Variants in CNDP1 observed in about 807,000 individuals in gnomAD.
The protein encoded by CNDP1 is carnosine dipeptidase 1, also known as beta-Ala-His dipeptidase.
A neutral mutation model predicts 58.1 loss-of-function variants in CNDP1; 44 were observed. That is an observed-to-expected ratio of 0.76 (90% CI 0.60 to 0.97). The LOEUF is 0.97. Among genes scored for constraint, CNDP1 ranks in the 50% least tolerant of loss-of-function variants. CNDP1 has a pLI of 0.00. For missense variants in CNDP1, 616 were observed against 655.1 expected (o/e 0.94, Z 0.65); for synonymous variants, 254 against 252.6 (o/e 1.01, Z -0.05).
intron 7 of CNDP1, among the ~76,000 whole-genome samples, chr18:74,571,782 C>G (rs1050466302): frequency 6.6e-6 from 1 of 152,182 alleles, no homozygotes; most frequent in Non-Finnish European, 1.5e-5. Flanking sequence ...TTGTTTTTCA[C>G]GACAGACTGG....
intron 5 of CNDP1, among the ~76,000 whole-genome samples, chr18:74,562,832 C>T (rs12954161): frequency 0.4 from 61,436 of 152,164 alleles, 13,685 homozygotes; most frequent in Non-Finnish European, 0.49. Context: ...CACTCTTCTC[C>T]CCTCTCCTGA....
At chr18:74,546,678 A>G (rs181336757) in intron 1 of CNDP1, among the ~76,000 whole-genome samples, 329 of 151,890 alleles carry the variant, frequency 2.2e-3, no homozygotes, top group South Asian at 0.018. Flanking sequence ...CCACGGAAAC[A>G]CCCACCCCGT....
At chr18:74,569,177 C>T (rs768157080) in intron 6 of CNDP1, among the ~76,000 whole-genome samples, 5 of 152,050 alleles carry the variant, frequency 3.3e-5, no homozygotes, top group Admixed American at 3.3e-4. Context: ...CGTCCACACT[C>T]CAGAGTAATT....
intron 1 of CNDP1, among the ~76,000 whole-genome samples, chr18:74,543,239 C>T (rs1479489151): frequency 6.6e-6 from 1 of 152,174 alleles, no homozygotes; most frequent in Non-Finnish European, 1.5e-5. Flanking sequence ...CCTGTAATCC[C>T]ATCACTTTGG....
At chr18:74,552,290 A>G (rs1333517895) in intron 1 of CNDP1, among the ~76,000 whole-genome samples, 2 of 152,286 alleles carry the variant, frequency 1.3e-5, no homozygotes, top group Non-Finnish European at 2.9e-5. Flanking sequence ...GTATTGTGAT[A>G]TAATTCTTAT....
intron 1 of CNDP1, among the ~76,000 whole-genome samples, chr18:74,543,227 T>C (rs1189789079): frequency 1.3e-5 from 2 of 152,214 alleles, no homozygotes; most frequent in African/African-American, 4.8e-5. Flanking sequence ...TGGTGGCTCA[T>C]GCCTGTAATC....
chr18:74,573,633 T>G (rs1383520064), intron 7 of CNDP1, among the ~76,000 whole-genome samples: 1 of 152,228 alleles, frequency 6.6e-6, no homozygotes, highest in African/African-American at 2.4e-5. Flanking sequence ...CTCACAATTT[T>G]GGGGAGTGGA....
chr18:74,551,945 T>A (rs1980922754), intron 1 of CNDP1, among the ~76,000 whole-genome samples: 1 of 151,548 alleles, frequency 6.6e-6, no homozygotes, highest in South Asian at 2.1e-4. Flanking sequence ...GTAGCCACTG[T>A]TGTCTCCAAG....
Position 74,576,915 on chromosome 18 carries a change from T to C in CNDP1, c.888T>C (p.Tyr296=), listed in dbSNP as rs755986301. The C allele has an allele frequency of 4.3e-6, 7 of 1,613,542 alleles. No individual in the cohort carries two copies. The South Asian group carries it at 5.5e-5, about 13-fold the overall frequency. The change falls in exon 8 of 12, where the codon TAT becomes TAC. Residue 296 remains tyrosine, a synonymous_variant. Transcript: ENST00000358821. The stretch of plus-strand genomic sequence containing the variant: ...GTCATATCCTGGTCCCTGGAATCTA[T>C]GATGAAGTGGTTCCTCTTACAGAAG... ...SSGHILVPGI[Y]DEVVPLTEEE... is the part of the protein sequence containing the mutation.
intron 2 of CNDP1, 138 bp from the exon 3 acceptor site, chr18:74,559,185 T>C (rs1414621249): frequency 2.6e-6 from 2 of 771,182 alleles, no homozygotes; most frequent in Non-Finnish European, 4.4e-6. Context: ...CAGTGTTCAC[T>C]GGCACTGTCA....
chr18:74,559,256 C>T, intron 2 of CNDP1, 67 bp from the exon 3 acceptor site: 1 of 1,547,858 alleles, frequency 6.5e-7, no homozygotes, highest in Non-Finnish European at 8.9e-7. Flanking sequence ...TCCTGCCCTC[C>T]CTTCGCTCCC....
intron 5 of CNDP1, among the ~76,000 whole-genome samples, chr18:74,563,594 A>G (rs1400736757): frequency 1.3e-5 from 2 of 152,180 alleles, no homozygotes; most frequent in East Asian, 3.8e-4. Context: ...TTTCTACCTC[A>G]CAAGCTCGCA....
chr18:74,574,054 C>G (rs1417236246), intron 7 of CNDP1, among the ~76,000 whole-genome samples: 1 of 152,228 alleles, frequency 6.6e-6, no homozygotes, highest in African/African-American at 2.4e-5. Flanking sequence ...TGGAGATGCC[C>G]GGACTTCCAG....
chr18:74,535,295 G>A (rs1037017429), intron 1 of CNDP1, among the ~76,000 whole-genome samples: 1 of 151,766 alleles, frequency 6.6e-6, no homozygotes, highest in Non-Finnish European at 1.5e-5. Flanking sequence ...ATTCATGGAC[G>A]CTTTTTATTT....
chr18:74,563,900 C>G (rs531378742), intron 5 of CNDP1, among the ~76,000 whole-genome samples: 1 of 152,196 alleles, frequency 6.6e-6, no homozygotes, highest in Admixed American at 6.5e-5. Flanking sequence ...CCAGAAAATT[C>G]TTAGGATTTC....
rs1981657286 is a variant in CNDP1 at position 74,577,205 on chromosome 18, C to T, written c.1002+176C>T. 3 of 517,634 alleles carry T rather than the reference C, an allele frequency of 5.8e-6. No homozygotes were observed. In the South Asian group the frequency reaches 1.3e-4, roughly 22 times the overall value. 32.1% of individuals were successfully genotyped at this position (517,634 alleles called of 1,614,324 possible). On this transcript the variant is annotated intron_variant, in intron 8 of 11. Transcript: ENST00000358821. ...CCACTTCCCCGTGGGCTGGATCAAC[C>T]AGTCCTTTTTCAATGGCGTCTAATT...
At chr18:74,581,243 T>TGTGTGC (rs1981784041) in intron 10 of CNDP1, among the ~76,000 whole-genome samples, 1 of 151,682 alleles carries the variant, frequency 6.6e-6, no homozygotes, top group Admixed American at 6.6e-5. Context: ...TGTGTGTGTG[T>TGTGTGC]GTGTGTGTGT....
At position 74,556,358 on chromosome 18, in the gene CNDP1, G is replaced by GCTA. The variant is rs763815314; in HGVS notation, c.47_48insACT (p.Leu20dup). On this transcript the variant is annotated inframe_insertion, in exon 2 of 12. Coordinates refer to ENST00000358821, the MANE Select transcript of CNDP1 (RefSeq NM_032649.6). Reference sequence around the variant, plus strand: ...TCCAGGCTGCGTCCCTGCTGGCTGTGCTGCTGCTGCTGCTGGAGCGCGGCA... The same window carrying GCTA: ...TCCAGGCTGCGTCCCTGCTGGCTGTGCTACTGCTGCTGCTGCTGGAGCGCGGCA... The GCTA allele has an allele frequency of 4.2e-6, 6 of 1,418,902 alleles. No individual in the cohort carries two copies. The South Asian group carries it at 7.8e-5, about 18-fold the overall frequency. 87.9% of individuals were successfully genotyped at this position (1,418,902 alleles called of 1,614,324 possible).
Position 74,556,397 on chromosome 18 carries a change from C to T in CNDP1, c.84C>T (p.Pro28=). Reference sequence around the variant, plus strand: ...TGGAGCGCGGCATGTTCTCCTCACCCTCCCCGCCCCCGGCGCTGTTAGAGA... The same window carrying T: ...TGGAGCGCGGCATGTTCTCCTCACCTTCCCCGCCCCCGGCGCTGTTAGAGA... The part of the protein sequence containing the change: ...LLLERGMFSS[P]SPPPALLEKV... The change falls in exon 2 of 12, where the codon CCC becomes CCT. Residue 28 remains proline (P), a synonymous_variant. Coordinates refer to ENST00000358821, the MANE Select transcript of CNDP1 (RefSeq NM_032649.6). 1 of 1,614,174 alleles carries T rather than the reference C, an allele frequency of 6.2e-7. No homozygotes were observed. Among genetic ancestry groups the T allele is most frequent in the Admixed American group, 1.7e-5 (1 of 60,030 alleles).
Sources: allele counts gnomAD v4.1 joint callset (sites outside exome capture counted in the v4.1 genomes callset), GRCh38; gene constraint gnomAD v4.1.1; transcripts MANE v1.5; gene names NCBI Gene and HGNC (gene_info 2026-07-23, HGNC 2026-07-21).